Variants in CSMD1 observed in about 807,000 individuals in gnomAD.
The protein encoded by CSMD1 is CUB and Sushi multiple domains 1.
CSMD1 carries 213 observed loss-of-function variants against 417.5 expected under a neutral mutation model. The ratio of observed to expected loss-of-function variants is 0.51; its 90% confidence interval spans 0.46 to 0.57. The LOEUF (loss-of-function observed/expected upper bound fraction) is 0.57, where lower values mean the gene tolerates loss of function less well. Ranked by LOEUF, CSMD1 falls within the 20% of genes least tolerant of loss-of-function variation. The pLI is 0.00. For missense variants in CSMD1, 6,923 were observed against 4,529.7 expected, an observed-to-expected ratio of 1.53 and a Z score of -15.17; for synonymous variants, 2,862 against 1,736.8, an observed-to-expected ratio of 1.65 and a Z score of -16.11.
intron 5 of CSMD1, among the ~76,000 whole-genome samples, chr8:3,893,101 C>A (rs1162450950): frequency 1.3e-5 from 2 of 151,776 alleles, no homozygotes; most frequent in African/African-American, 2.4e-5. Flanking sequence ...TCTATTATCT[C>A]TGCAAAAAAC....
chr8:3,155,359 A>ATTTTTTTTTTTTTTTTTTGTTTTTTT (rs1819455020), intron 39 of CSMD1, among the ~76,000 whole-genome samples: 1 of 43,318 alleles, frequency 2.3e-5, no homozygotes, highest in Non-Finnish European at 4.7e-5. Context: ...CAAGGCTGGG[A>ATTTTTTTTTTTTTTTTTTGTTTTTTT]TTTTTTTTTT....
intron 6 of CSMD1, among the ~76,000 whole-genome samples, chr8:3,713,608 C>T (rs150632383): frequency 6.6e-5 from 10 of 152,266 alleles, no homozygotes; most frequent in East Asian, 5.8e-4. Context: ...TTAATACACC[C>T]GTACCGTCCT....
intron 2 of CSMD1, among the ~76,000 whole-genome samples, chr8:4,556,923 C>A (rs1320221048): frequency 1.3e-5 from 2 of 152,180 alleles, no homozygotes; most frequent in Non-Finnish European, 1.5e-5. Flanking sequence ...CTTGCCCCAG[C>A]ATTTCAGATA....
chr8:3,563,442 T>TAA (rs60108067), intron 10 of CSMD1, among the ~76,000 whole-genome samples: 4,925 of 62,670 alleles, frequency 0.079, 213 homozygotes, highest in Admixed American at 0.16. Context: ...TATTAAAAGG[T>TAA]AAAAAAAAAA....
chr8:3,689,222 C>G (rs1055710272), intron 7 of CSMD1, among the ~76,000 whole-genome samples: 1 of 152,192 alleles, frequency 6.6e-6, no homozygotes, highest in African/African-American at 2.4e-5. Flanking sequence ...ACCTCCCCAC[C>G]TTCTAACTTA....
intron 5 of CSMD1, among the ~76,000 whole-genome samples, chr8:3,759,884 G>C (rs1053349979): frequency 1.2e-4 from 17 of 144,002 alleles, no homozygotes; most frequent in African/African-American, 3.9e-4. Flanking sequence ...ACTCTAGCCT[G>C]GGTGACTGAG....
At chr8:4,962,390 G>T (rs1248121538) in intron 1 of CSMD1, among the ~76,000 whole-genome samples, 2 of 151,856 alleles carry the variant, frequency 1.3e-5, no homozygotes, top group Admixed American at 6.6e-5. Flanking sequence ...TTATAATTTT[G>T]TGTAGAGACA....
chr8:3,491,026 T>C (rs1219736071), intron 11 of CSMD1, among the ~76,000 whole-genome samples: 1 of 152,190 alleles, frequency 6.6e-6, no homozygotes, highest in Non-Finnish European at 1.5e-5. Context: ...AGATGCCTCT[T>C]CATCCCCAAA....
intron 23 of CSMD1, among the ~76,000 whole-genome samples, chr8:3,309,932 GT>G (rs1408900887): frequency 6.6e-6 from 1 of 152,054 alleles, no homozygotes; most frequent in African/African-American, 2.4e-5. Context: ...CTTCCATAAA[GT>G]TTCCTTCCAC....
chr8:4,543,069 T>C (rs1472002511), intron 2 of CSMD1, among the ~76,000 whole-genome samples: 1 of 152,218 alleles, frequency 6.6e-6, no homozygotes, highest in Non-Finnish European at 1.5e-5. Flanking sequence ...ACCCCTCACA[T>C]GCCTCCCATA....
rs75251924 is a variant in CSMD1 at position 3,461,482 on chromosome 8, C to G, written c.1561+7230G>C. Among the ~76,000 whole-genome samples, 578 of 152,282 alleles carry G rather than the reference C, an allele frequency of 3.8e-3. 3 individuals are homozygous for G. The highest frequency in any genetic ancestry group is 0.013 in the African/African-American group (558 of 41,570). On this transcript the variant is annotated intron_variant, in intron 12 of 69. Coordinates refer to ENST00000635120, the MANE Select transcript of CSMD1 (RefSeq NM_033225.6). Reference sequence around the variant, plus strand: ...GAGGAGGGGAAGCAGGAGTAGCTGTCTCACCTCCACCCCAGGAGCTGATTG... The same window carrying G: ...GAGGAGGGGAAGCAGGAGTAGCTGTGTCACCTCCACCCCAGGAGCTGATTG...
intron 5 of CSMD1, among the ~76,000 whole-genome samples, chr8:3,815,915 G>C (rs1162063124): frequency 1.3e-5 from 2 of 151,992 alleles, no homozygotes; most frequent in South Asian, 2.1e-4. Context: ...AATAGAAAGA[G>C]GAAAAAGAAC....
At chr8:4,363,305 A>T (rs886497004) in intron 3 of CSMD1, among the ~76,000 whole-genome samples, 2 of 152,270 alleles carry the variant, frequency 1.3e-5, no homozygotes, top group African/African-American at 2.4e-5. Flanking sequence ...CCTGCCCGTC[A>T]TGAAATTCTA....
At chr8:3,026,415 C>T (rs1809929331) in intron 51 of CSMD1, among the ~76,000 whole-genome samples, 1 of 151,950 alleles carries the variant, frequency 6.6e-6, no homozygotes, top group Non-Finnish European at 1.5e-5. Flanking sequence ...CCTGACTGGA[C>T]CTCACTGGAC....
chr8:3,543,296 G>C (rs1469396702), intron 10 of CSMD1, among the ~76,000 whole-genome samples: 1 of 152,176 alleles, frequency 6.6e-6, no homozygotes, highest in East Asian at 1.9e-4. Context: ...AACATTATTA[G>C]AATAATTTAT....
chr8:4,688,174 TG>T (rs1292537223), intron 1 of CSMD1, among the ~76,000 whole-genome samples: 3 of 152,214 alleles, frequency 2.0e-5, no homozygotes, highest in African/African-American at 7.2e-5. Flanking sequence ...AGGAGTTTTT[TG>T]TGAGTGTACG....
rs181251220 is a variant in CSMD1 at position 3,496,556 on chromosome 8, T to G, written c.1345-2830A>C. ...CTATATCTCATAGGTTTTGGTATGT[T>G]GTATTTCTATTTTCATTTCCCAGCA... On this transcript the variant is annotated intron_variant, in intron 10 of 69. Coordinates refer to ENST00000635120, the MANE Select transcript of CSMD1 (RefSeq NM_033225.6). Among the ~76,000 whole-genome samples, 411 of 152,318 alleles carry G rather than the reference T, an allele frequency of 2.7e-3. 3 individuals are homozygous for G. Among genetic ancestry groups the G allele is most frequent in the African/African-American group, 9.5e-3 (395 of 41,560 alleles).
chr8:3,973,483 A>T lies in CSMD1; in HGVS notation c.818+24420T>A, dbSNP rs139308716. ...CAATATTTCTGAAGTTGTTTATTTT[A>T]AAAAATAGCATACATCCCAACAAAT... On this transcript the variant is annotated intron_variant, in intron 5 of 69. Coordinates refer to ENST00000635120, the MANE Select transcript of CSMD1 (RefSeq NM_033225.6). 2.1e-3 allele frequency among the ~76,000 whole-genome samples: 324 copies of T among 152,352 alleles called. 3 individuals carry two copies. Among genetic ancestry groups the T allele is most frequent in the African/African-American group, 7.5e-3 (313 of 41,578 alleles).
intron 54 of CSMD1, among the ~76,000 whole-genome samples, chr8:2,992,718 C>G (rs1046615902): frequency 1.3e-5 from 2 of 152,030 alleles, no homozygotes; most frequent in African/African-American, 4.8e-5. Context: ...AGCCACCATG[C>G]CCAGCAAACT....
Sources: allele counts gnomAD v4.1 joint callset (sites outside exome capture counted in the v4.1 genomes callset), GRCh38; gene constraint gnomAD v4.1.1; transcripts MANE v1.5; gene names NCBI Gene and HGNC (gene_info 2026-07-23, HGNC 2026-07-21).